TRIM62: variants seen among roughly 807,000 people sequenced by gnomAD.
TRIM62 encodes the protein E3 ubiquitin-protein ligase TRIM62.
TRIM62 carries 39 observed loss-of-function variants against 44.2 expected under a neutral mutation model. The observed-to-expected ratio is 0.88, with a 90% confidence interval of 0.68 to 1.15. The LOEUF (loss-of-function observed/expected upper bound fraction) is 1.15. Among genes scored for constraint, TRIM62 ranks in the 50% most tolerant of loss-of-function variants. The probability of loss-of-function intolerance (pLI) is 0.00; values close to 1 mark genes in which losing one functional copy is unlikely to be tolerated. For synonymous variants in TRIM62, 278 were observed against 292.3 expected (o/e 0.95, Z 0.50); for missense variants, 544 against 665.5 (o/e 0.82, Z 2.01).
intron 4 of TRIM62, among the ~76,000 whole-genome samples, chr1:33,154,323 CT>C (rs1011452003): frequency 6.6e-6 from 1 of 152,142 alleles, no homozygotes; most frequent in African/African-American, 2.4e-5. Flanking sequence ...CCTGGGGAGC[CT>C]TCTAGCCTCA....
At chr1:33,179,078 C>G (rs1293414151) in intron 1 of TRIM62, among the ~76,000 whole-genome samples, 2 of 152,226 alleles carry the variant, frequency 1.3e-5, no homozygotes, top group African/African-American at 2.4e-5. Flanking sequence ...CTTCTCCAGG[C>G]CTCACTTTCC....
chr1:33,174,945 GTATATA>G (rs72310095), intron 1 of TRIM62, among the ~76,000 whole-genome samples: 2,039 of 141,704 alleles, frequency 0.014, 23 homozygotes, highest in African/African-American at 0.033. Flanking sequence ...ATATATGTGT[GTATATA>G]TATATATATA....
Position 33,167,617 on chromosome 1 carries a change from G to A in TRIM62, c.409-2051C>T, listed in dbSNP as rs376118318. Reference sequence around the variant, plus strand: ...GATGGGACTCAATGACGCTTGCTGCGTGAATGAAGTTCCTGGAAATGGCCT... The same window carrying A: ...GATGGGACTCAATGACGCTTGCTGCATGAATGAAGTTCCTGGAAATGGCCT... On this transcript the variant is annotated intron_variant, in intron 1 of 4. Transcript: ENST00000291416. This position sits in a 1 kb window ranked among gnomAD's most constrained non-coding sequence, Gnocchi z 4.2. 1.3e-4 allele frequency among the ~76,000 whole-genome samples: 20 copies of A among 152,276 alleles called. No homozygotes were observed. Among genetic ancestry groups the A allele is most frequent in the Middle Eastern group, 6.8e-3 (2 of 294 alleles).
In TRIM62 at chr1:33,167,238, G is replaced by A. The variant is rs537269410; in HGVS notation, c.409-1672C>T. ...TACCCTGTCACACATCTGGATTCAC[G>A]GTCTTCCTTGCGCCTTCTGCTGTCT... On this transcript the variant is annotated intron_variant, in intron 1 of 4. Transcript: ENST00000291416. This position sits in a 1 kb window ranked among gnomAD's most constrained non-coding sequence, Gnocchi z 4.2. 1.3e-5 allele frequency among the ~76,000 whole-genome samples: 2 copies of A among 152,250 alleles called. No individual in the cohort carries two copies. Among genetic ancestry groups the A allele is most frequent in the South Asian group, 2.1e-4 (1 of 4,814 alleles).
At chr1:33,179,282 A>C (rs535686320) in intron 1 of TRIM62, among the ~76,000 whole-genome samples, 1 of 152,342 alleles carries the variant, frequency 6.6e-6, no homozygotes, top group African/African-American at 2.4e-5. Flanking sequence ...TGGGGCCTTC[A>C]TCCTCAGACA....
chr1:33,158,846 C>CT (rs568043864), intron 3 of TRIM62, among the ~76,000 whole-genome samples: 4,623 of 145,572 alleles, frequency 0.032, 171 homozygotes, highest in Admixed American at 0.12. Context: ...TCTTTTTTTT[C>CT]TTTTTTTTTT....
Position 33,159,821 on chromosome 1 carries a change from C to T in TRIM62, c.628G>A (p.Asp210Asn), listed in dbSNP as rs754891607. The change falls in exon 3 of 5, where the codon GAC becomes AAC. Residue 210 changes from aspartate to asparagine, a missense_variant. Transcript: ENST00000291416. The surrounding 1 kb of genome is among the most constrained non-coding windows in gnomAD (Gnocchi z 4.2). ...TAGCGCTGGACTTTCTGCTCGATGT[C>T]GGTCAGCGTGCGGGCCGTGTCCGCC... Reference protein sequence around the residue: ...LEADTARTLTDIEQKVQRYSQ... With the variant: ...LEADTARTLTNIEQKVQRYSQ... The T allele has an allele frequency of 8.1e-6, 13 of 1,613,720 alleles. No individual in the cohort carries two copies. Among genetic ancestry groups the T allele is most frequent in the South Asian group, 5.5e-5 (5 of 91,084 alleles).
intron 1 of TRIM62, among the ~76,000 whole-genome samples, chr1:33,178,085 T>A (rs911106861): frequency 1.3e-5 from 2 of 152,172 alleles, no homozygotes; most frequent in African/African-American, 4.8e-5. Context: ...GGTAGGGTGT[T>A]GGGAGACTCC....
chr1:33,181,447 C>A lies in TRIM62; in HGVS notation c.-15G>T. 1.3e-6 allele frequency: 2 copies of A among 1,581,168 alleles called. No homozygotes were observed. Among genetic ancestry groups the A allele is most frequent in the East Asian group, 2.3e-5 (1 of 43,442 alleles). ...CTGCACGCCATGGCGCCAGGGGCAG[C>A]AGAGAGGGGGGCCCGAGGGGCAGGG... is the stretch of plus-strand genomic sequence containing the variant. On this transcript the variant is annotated 5_prime_UTR_variant, in exon 1 of 5. Coordinates refer to ENST00000291416, the MANE Select transcript of TRIM62 (RefSeq NM_018207.3). The surrounding 1 kb of genome is among the most constrained non-coding windows in gnomAD (Gnocchi z 6.5).
Position 33,165,561 on chromosome 1 carries a change from C to A in TRIM62, c.414G>T (p.Glu138Asp). 6.2e-7 allele frequency: 1 copy of A among 1,607,222 alleles called. No individual in the cohort carries two copies. Among genetic ancestry groups the A allele is most frequent in the Non-Finnish European group, 8.5e-7 (1 of 1,176,426 alleles). ...IDDAFDELQR[E>D]LKDQLQALQD... ...GAAGGGCCTGAAGTTGGTCCTTCAG[C>A]TCCCTCTGAAACACACACAGGGCCG... The change falls in exon 2 of 5, where the codon GAG becomes GAT. Residue 138 changes from glutamate (E) to aspartate (D), a missense_variant. By Grantham distance (45) the Glu-to-Asp change is conservative. Coordinates refer to ENST00000291416, the MANE Select transcript of TRIM62 (RefSeq NM_018207.3). This position sits in a 1 kb window ranked among gnomAD's most constrained non-coding sequence, Gnocchi z 4.0.
rs767133339 is a variant in TRIM62 at position 33,181,266 on chromosome 1, G to T, written c.167C>A (p.Thr56Lys). Residue 56 changes from threonine to lysine, a missense_variant, in exon 1 of 5, where the codon ACG becomes AAG. Transcript: ENST00000291416. The surrounding 1 kb of genome is among the most constrained non-coding windows in gnomAD (Gnocchi z 6.5). ...GGGCGCCAGCGCGGGCTCGGCGAAC[G>T]TGCGCCGGCACTCGGGGCAGTCGCG... ...GARDCPECRR[T>K]FAEPALAPSL... The T allele has an allele frequency of 6.5e-7, 1 of 1,547,920 alleles. No individual in the cohort carries two copies. The highest frequency in any genetic ancestry group is 8.7e-7 in the Non-Finnish European group (1 of 1,152,456).
chr1:33,156,556 T>G (rs1645181542), intron 4 of TRIM62, among the ~76,000 whole-genome samples: 1 of 152,136 alleles, frequency 6.6e-6, no homozygotes. Flanking sequence ...CTTGGCTGGG[T>G]CCCCCTCTTG....
rs1350424927 is a variant in TRIM62, at chr1:33,145,528, TC to T, written c.*1648del. ...GAAGGGTTGGGGTAGGGCTGACAAT[TC>T]CTTTTGCCCAAGGGAGGCCCGGGTG... is the stretch of plus-strand genomic sequence containing the variant. On this transcript the variant is annotated 3_prime_UTR_variant, in exon 5 of 5. Transcript: ENST00000291416. The T allele has an allele frequency of 1.2e-5, 2 of 172,448 alleles. No homozygotes were observed. The highest frequency in any genetic ancestry group is 2.5e-5 in the Non-Finnish European group (2 of 80,054). The allele number at this position is 172,448 out of a possible 1,614,324, so 10.7% of individuals were successfully genotyped here.
intron 4 of TRIM62, 78 bp downstream of exon 4, chr1:33,158,175 G>T: frequency 7.4e-7 from 1 of 1,342,496 alleles, no homozygotes; most frequent in Non-Finnish European, 1.1e-6. Flanking sequence ...ACTGCCCCAT[G>T]CTGTGTTTAG....
intron 4 of TRIM62, among the ~76,000 whole-genome samples, chr1:33,149,796 G>T (rs754135027): frequency 3.9e-5 from 6 of 152,102 alleles, no homozygotes; most frequent in African/African-American, 7.2e-5. Context: ...ACTGGCGTGG[G>T]GTATTATCTT....
At chr1:33,151,238 G>A (rs1645093093) in intron 4 of TRIM62, among the ~76,000 whole-genome samples, 1 of 152,150 alleles carries the variant, frequency 6.6e-6, no homozygotes. Flanking sequence ...GACCTGTGCT[G>A]CTTGAAGCCC....
intron 4 of TRIM62, among the ~76,000 whole-genome samples, chr1:33,154,660 C>T (rs983514524): frequency 6.6e-6 from 1 of 150,846 alleles, no homozygotes; most frequent in South Asian, 2.1e-4. Context: ...TAGCTGGGTG[C>T]AGTGGCGTGT....
intron 4 of TRIM62, among the ~76,000 whole-genome samples, chr1:33,155,551 G>A (rs1309761757): frequency 1.3e-5 from 2 of 152,188 alleles, no homozygotes; most frequent in Admixed American, 6.5e-5. Context: ...TGGCCAGTGA[G>A]CTTAGTAGGT....
chr1:33,165,601 G>A lies in TRIM62; in HGVS notation c.409-35C>T. The A allele has an allele frequency of 1.3e-6, 2 of 1,547,638 alleles. No homozygotes were observed. Among genetic ancestry groups the A allele is most frequent in the Non-Finnish European group, 1.8e-6 (2 of 1,138,356 alleles). On this transcript the variant is annotated intron_variant, in intron 1 of 4. Coordinates refer to ENST00000291416, the MANE Select transcript of TRIM62 (RefSeq NM_018207.3). The surrounding 1 kb of genome is among the most constrained non-coding windows in gnomAD (Gnocchi z 4.0). Reference sequence around the variant, plus strand: ...ACACAGGGCCGGGATGGGGGCAGGGGCCATGCCTGGCCCAGGCATTCAGCC... The same window carrying A: ...ACACAGGGCCGGGATGGGGGCAGGGACCATGCCTGGCCCAGGCATTCAGCC...
Sources: allele counts gnomAD v4.1 joint callset (sites outside exome capture counted in the v4.1 genomes callset), GRCh38; gene constraint gnomAD v4.1.1; non-coding constraint Gnocchi (gnomAD v3.1); transcripts MANE v1.5; gene names NCBI Gene and HGNC (gene_info 2026-07-23, HGNC 2026-07-21).